Variants in ANKRD30A observed in about 807,000 individuals in gnomAD.
The protein encoded by ANKRD30A is ankyrin repeat domain-containing protein 30A.
Under a neutral mutation model 166.3 loss-of-function variants are expected in ANKRD30A, and 170 were observed. The observed-to-expected ratio is 1.02, with a 90% CI of 0.90 to 1.16. The LOEUF is 1.16. Among genes scored for constraint, ANKRD30A ranks in the 50% most tolerant of loss-of-function variants. ANKRD30A has a pLI of 0.00. For missense variants in ANKRD30A, 1,630 were observed against 1,518.0 expected (o/e 1.07, Z -1.23); for synonymous variants, 564 against 508.9 (o/e 1.11, Z -1.46).
intron 24 of ANKRD30A, among the ~76,000 whole-genome samples, chr10:37,177,944 A>G (rs1839858825): frequency 6.7e-6 from 1 of 149,376 alleles, no homozygotes; most frequent in Non-Finnish European, 1.5e-5. Context: ...TGAGTGCTGA[A>G]GAGGAGCTGA....
chr10:37,126,021 G>A lies in ANKRD30A; in HGVS notation c.221+13G>A, dbSNP rs777365011. On this transcript the variant is annotated intron_variant, in intron 1 of 35. Coordinates refer to ENST00000361713, the MANE Select transcript of ANKRD30A (RefSeq NM_052997.3). ...ACGCCCAGAAGAGGTACCAGGCCCT[G>A]CCTGAGCCGGGGCTGCAGGAGGAGG... 4.3e-6 allele frequency: 7 copies of A among 1,610,910 alleles called. No individual in the cohort carries two copies. The highest frequency in any genetic ancestry group is 4.5e-5 in the East Asian group (2 of 44,808).
Position 37,129,906 on chromosome 10 carries a change from T to A in ANKRD30A, c.235T>A (p.Trp79Arg). 7 of 1,550,068 alleles carry A rather than the reference T, an allele frequency of 4.5e-6. No homozygotes were observed. The highest frequency in any genetic ancestry group is 5.2e-6 in the Non-Finnish European group (6 of 1,144,854). Reference protein sequence around the residue: ...QDAQKRTALHWACVNGHEEVV... With the variant: ...QDAQKRTALHRACVNGHEEVV... ...TCACTCTCGTAGGACTGCTCTACAC[T>A]GGGCCTGTGTCAATGGCCATGAGGA... is the stretch of plus-strand genomic sequence containing the variant. The change falls in exon 2 of 36, where the codon TGG becomes AGG. Residue 79 changes from tryptophan to arginine, a missense_variant. Trp to Arg is a moderately radical substitution (Grantham distance 101). Around this residue, in one of 4 missense-constraint regions of ANKRD30A, gnomAD observed 904 missense variants for 818.5 expected, o/e 1.10. Coordinates refer to ENST00000361713, the MANE Select transcript of ANKRD30A (RefSeq NM_052997.3).
At chr10:37,139,316 G>C (rs564463834) in intron 6 of ANKRD30A, among the ~76,000 whole-genome samples, 23 of 152,320 alleles carry the variant, frequency 1.5e-4, no homozygotes, top group Middle Eastern at 3.4e-3. Flanking sequence ...CAAGGAAGAT[G>C]CTGTAAAGAG....
In ANKRD30A at chr10:37,162,845, G is replaced by A. The variant is rs1275725898; in HGVS notation, c.1999G>A (p.Ala667Thr). Residue 667 changes from alanine (A) to threonine (T), a missense_variant, in exon 17 of 36, where the codon GCA becomes ACA. By Grantham distance (58) the Ala-to-Thr change is moderately conservative (BLOSUM62 0). Around this residue, in one of 4 missense-constraint regions of ANKRD30A, gnomAD observed 904 missense variants for 818.5 expected, o/e 1.10. Coordinates refer to ENST00000361713, the MANE Select transcript of ANKRD30A (RefSeq NM_052997.3). ...ATTGAAAAATGAACAAACATTGAGA[G>A]CAGGTAAATTTTTCAATGTAACTAT... ...LELKNEQTLR[A>T]DEILPSESKQ... is the part of the protein sequence containing the mutation. The A allele has an allele frequency of 1.9e-6, 3 of 1,613,102 alleles. No individual in the cohort carries two copies.
intron 4 of ANKRD30A, among the ~76,000 whole-genome samples, chr10:37,132,766 G>A (rs548564779): frequency 1.3e-5 from 2 of 152,308 alleles, no homozygotes; most frequent in African/African-American, 2.4e-5. Flanking sequence ...GGGAGGCCAA[G>A]GTGGTTGGAT....
intron 4 of ANKRD30A, among the ~76,000 whole-genome samples, chr10:37,133,018 A>T (rs1402104588): frequency 1.3e-5 from 2 of 152,110 alleles, no homozygotes; most frequent in Non-Finnish European, 2.9e-5. Flanking sequence ...AAAAAAAGAA[A>T]AATTAAATAG....
intron 25 of ANKRD30A, among the ~76,000 whole-genome samples, chr10:37,190,557 C>T (rs1051135533): frequency 6.6e-6 from 1 of 151,636 alleles, no homozygotes; most frequent in African/African-American, 2.4e-5. Flanking sequence ...GAATCAAGAG[C>T]AGAAGTCTAG....
At chr10:37,212,575 A>G (rs1262543897) in intron 31 of ANKRD30A, among the ~76,000 whole-genome samples, 3 of 152,116 alleles carry the variant, frequency 2.0e-5, no homozygotes, top group Non-Finnish European at 4.4e-5. Flanking sequence ...ATCCTAAGCC[A>G]AAAGAACAAA....
the ANKRD30A span, among the ~76,000 whole-genome samples, chr10:37,258,386 A>G: frequency 1.3e-5 from 2 of 152,298 alleles, no homozygotes; most frequent in Admixed American, 6.5e-5. Flanking sequence ...CAGATGTTTC[A>G]ATCTTTATTA....
intron 34 of ANKRD30A, among the ~76,000 whole-genome samples, chr10:37,224,163 T>A (rs2132754533): frequency 6.6e-6 from 1 of 151,542 alleles, no homozygotes; most frequent in Admixed American, 6.6e-5. Flanking sequence ...CTTTGGCATA[T>A]AATGTCAACT....
intron 4 of ANKRD30A, 74 bp from the exon 5 acceptor site, chr10:37,133,842 T>C (rs1836516904): frequency 2.3e-5 from 35 of 1,527,560 alleles, no homozygotes; most frequent in Non-Finnish European, 3.1e-5. Flanking sequence ...ATGTAAATGG[T>C]TAATTCTACA....
chr10:37,129,949 T>G lies in ANKRD30A; in HGVS notation c.278T>G (p.Val93Gly), dbSNP rs753724879. ...CATGAGGAAGTAGTAACATTTCTGG[T>G]AGACAGAAAGTGCCAGCTTGACGTC... Reference protein sequence around the residue: ...NGHEEVVTFLVDRKCQLDVLD... With the variant: ...NGHEEVVTFLGDRKCQLDVLD... The change falls in exon 2 of 36, where the codon GTA (valine) becomes GGA (glycine). Residue 93 changes from valine (V) to glycine (G), a missense_variant. Transcript: ENST00000361713. 1.3e-6 allele frequency: 2 copies of G among 1,579,436 alleles called. No homozygotes were observed. The highest frequency in any genetic ancestry group is 2.7e-5 in the African/African-American group (2 of 73,388).
chr10:37,193,654 A>G (rs1019544156), intron 27 of ANKRD30A, among the ~76,000 whole-genome samples: 1 of 152,046 alleles, frequency 6.6e-6, no homozygotes, highest in Admixed American at 6.5e-5. Context: ...TGTGAGTGTT[A>G]CCACTCTGAG....
At chr10:37,137,912 G>A (rs892354467) in intron 6 of ANKRD30A, among the ~76,000 whole-genome samples, 1 of 152,202 alleles carries the variant, frequency 6.6e-6, no homozygotes, top group African/African-American at 2.4e-5. Context: ...GGAGATCTGA[G>A]AACGGACAGA....
chr10:37,249,583 A>G, the ANKRD30A span, among the ~76,000 whole-genome samples: 239 of 152,316 alleles, frequency 1.6e-3, 3 homozygotes, highest in African/African-American at 5.5e-3. Context: ...ATCAAACTAT[A>G]TGATTCCCAG....
chr10:37,251,760 A>G, the ANKRD30A span, among the ~76,000 whole-genome samples: 1 of 152,318 alleles, frequency 6.6e-6, no homozygotes, highest in Admixed American at 6.5e-5. Flanking sequence ...GAATGCTTCC[A>G]AGAATTTCAC....
chr10:37,258,909 G>C, the ANKRD30A span, among the ~76,000 whole-genome samples: 2 of 143,068 alleles, frequency 1.4e-5, no homozygotes, highest in African/African-American at 5.3e-5. Flanking sequence ...GTTGCAGTGA[G>C]CCGAGATTGT....
the ANKRD30A span, among the ~76,000 whole-genome samples, chr10:37,257,725 A>T: frequency 7.9e-5 from 12 of 152,106 alleles, no homozygotes; most frequent in African/African-American, 2.9e-4. Flanking sequence ...GAGTTTCTTA[A>T]TCCTGAGTTC....
chr10:37,135,557 ACTTGCATCTT>A (rs1200106698), intron 5 of ANKRD30A, among the ~76,000 whole-genome samples: 1 of 152,232 alleles, frequency 6.6e-6, no homozygotes, highest in Admixed American at 6.5e-5. Context: ...GAAAATACCA[ACTTGCATCTT>A]CTTTGTGGAA....
Sources: gnomAD v4.1 joint callset for allele counts (sites outside exome capture counted in the v4.1 genomes callset) on GRCh38, gnomAD v4.1.1 for gene constraint, gnomAD v4.1.1 regional missense constraint, MANE v1.5 for transcripts, NCBI Gene and HGNC (gene_info 2026-07-23, HGNC 2026-07-21) for gene names.